The following KCNH7 variants were observed in gnomAD, a reference collection of about 807,000 sequenced individuals.
KCNH7 encodes the protein potassium voltage-gated channel subfamily H member 7, also known as voltage-gated inwardly rectifying potassium channel KCNH7.
In KCNH7, 49 loss-of-function variants were observed where a neutral mutation model predicts 120.8. The ratio of observed to expected loss-of-function variants is 0.41; its 90% CI spans 0.32 to 0.51. The LOEUF (loss-of-function observed/expected upper bound fraction) is 0.51, where lower values mean the gene tolerates loss of function less well. KCNH7 is among the 20% of genes least tolerant of loss of function. The pLI, the probability that KCNH7 is intolerant of heterozygous loss-of-function variation, is 0.38. For synonymous variants in KCNH7, 547 were observed against 516.1 expected, an observed-to-expected ratio of 1.06 and a Z score of -0.81; for missense variants, 1,097 against 1,446.6, an observed-to-expected ratio of 0.76 and a Z score of 3.92.
chr2:162,619,641 C>G (rs1173662176), intron 2 of KCNH7, among the ~76,000 whole-genome samples: 5 of 151,774 alleles, frequency 3.3e-5, no homozygotes, highest in African/African-American at 9.7e-5. Flanking sequence ...TATAAATAAG[C>G]CAATATATAT....
chr2:162,716,998 A>C (rs796753501), intron 2 of KCNH7, among the ~76,000 whole-genome samples: 19 of 152,272 alleles, frequency 1.2e-4, no homozygotes, highest in African/African-American at 4.1e-4. Flanking sequence ...CTTGGGTAGA[A>C]AGAGTGTTGC....
At position 162,780,396 on chromosome 2, in the gene KCNH7, A is replaced by AT. The variant is rs567435042; in HGVS notation, c.307+56140dup. On this transcript the variant is annotated intron_variant, in intron 2 of 15. Transcript: ENST00000332142. ...ATTCTCTACTGAAGCATTTGTAGGG[A>AT]TTTTTTCCTAATCATTTACTACCAC... Among the ~76,000 whole-genome samples the AT allele has an allele frequency of 1.1e-4, 17 of 152,086 alleles. No homozygotes were observed. The East Asian group carries it at 2.9e-3, about 26-fold the overall frequency.
chr2:162,500,760 A>G (rs1690660414), intron 6 of KCNH7, among the ~76,000 whole-genome samples: 1 of 152,122 alleles, frequency 6.6e-6, no homozygotes, highest in Non-Finnish European at 1.5e-5. Context: ...GGATTAAGGA[A>G]ATACTGCTGG....
At chr2:162,669,086 G>A (rs564124740) in intron 2 of KCNH7, among the ~76,000 whole-genome samples, 2 of 152,240 alleles carry the variant, frequency 1.3e-5, no homozygotes, top group South Asian at 4.1e-4. Context: ...GATAGAGTGA[G>A]AAGTTATATG....
intron 9 of KCNH7, among the ~76,000 whole-genome samples, chr2:162,407,409 G>A (rs1398772246): frequency 6.6e-6 from 1 of 151,990 alleles, no homozygotes; most frequent in Admixed American, 6.6e-5. Flanking sequence ...ACTGCTTTCA[G>A]AAGGAAACTT....
intron 6 of KCNH7, among the ~76,000 whole-genome samples, chr2:162,456,500 G>A (rs1051628248): frequency 3.9e-5 from 6 of 152,206 alleles, no homozygotes; most frequent in African/African-American, 1.4e-4. Context: ...GGGGTGGAGA[G>A]TTCTGTAGAC....
At chr2:162,648,830 A>G (rs1230075132) in intron 2 of KCNH7, among the ~76,000 whole-genome samples, 5 of 152,046 alleles carry the variant, frequency 3.3e-5, no homozygotes. Context: ...ACCTTCTTTA[A>G]GAGCTTACCT....
chr2:162,643,804 CAA>C lies in KCNH7; in HGVS notation c.308-106726_308-106725del, dbSNP rs781089376. Among the ~76,000 whole-genome samples, 467 of 90,328 alleles carry C rather than the reference CAA, an allele frequency of 5.2e-3. 2 individuals carry two copies. Among genetic ancestry groups the C allele is most frequent in the African/African-American group, 0.021 (439 of 21,036 alleles). The allele number at this position is 90,328 out of a possible 152,430, so 59.3% of individuals were successfully genotyped here. ...CTGGTGACAGAGCAAGACTCTATCT[CAA>C]AAAAAAAAAAAAAAAAAAAAAAGAA... On this transcript the variant is annotated intron_variant, in intron 2 of 15. Transcript: ENST00000332142.
In KCNH7 at chr2:162,380,036, A is replaced by T. The variant is rs777679584; in HGVS notation, c.2963-15T>A. The T allele has an allele frequency of 1.2e-6, 2 of 1,613,294 alleles. No individual in the cohort carries two copies. The highest frequency in any genetic ancestry group is 2.7e-5 in the African/African-American group (2 of 74,888). ...GTCAGTGATATCTGTGGAAAATAGC[A>T]AGATGGATGTCAACACTCTTAGGTG... On this transcript the variant is annotated splice_polypyrimidine_tract_variant and intron_variant, in intron 13 of 15. Coordinates refer to ENST00000332142, the MANE Select transcript of KCNH7 (RefSeq NM_033272.4).
intron 2 of KCNH7, among the ~76,000 whole-genome samples, chr2:162,813,783 A>G (rs1052949520): frequency 5.3e-5 from 8 of 152,198 alleles, no homozygotes; most frequent in African/African-American, 1.2e-4. Context: ...AGTGAATTGT[A>G]CTGTCAGTTA....
At chr2:162,787,010 AATG>A in intron 2 of KCNH7, among the ~76,000 whole-genome samples, 1 of 152,310 alleles carries the variant, frequency 6.6e-6, no homozygotes, top group Non-Finnish European at 1.5e-5. Flanking sequence ...CAACATGGAG[AATG>A]ATACCTTTAG....
At chr2:162,589,997 C>T (rs1048056471) in intron 2 of KCNH7, among the ~76,000 whole-genome samples, 2 of 152,044 alleles carry the variant, frequency 1.3e-5, no homozygotes, top group Admixed American at 6.5e-5. Flanking sequence ...GAAAACCATG[C>T]ATGGTATATG....
chr2:162,657,786 AT>A (rs1684815902), intron 2 of KCNH7, among the ~76,000 whole-genome samples: 1 of 152,094 alleles, frequency 6.6e-6, no homozygotes, highest in Non-Finnish European at 1.5e-5. Flanking sequence ...TTCCATTCTC[AT>A]TTAGGTTTAC....
chr2:162,680,692 G>T (rs1364176775), intron 2 of KCNH7, among the ~76,000 whole-genome samples: 1 of 151,734 alleles, frequency 6.6e-6, no homozygotes, highest in East Asian at 1.9e-4. Flanking sequence ...TCTGGAGTCA[G>T]GGTCTTGGGT....
At chr2:162,702,130 C>A (rs1000905264) in intron 2 of KCNH7, among the ~76,000 whole-genome samples, 2 of 151,976 alleles carry the variant, frequency 1.3e-5, no homozygotes, top group Admixed American at 1.3e-4. Context: ...TCAAAATATT[C>A]GGTCCTTTTA....
At chr2:162,553,755 T>C (rs1489222311) in intron 2 of KCNH7, among the ~76,000 whole-genome samples, 10 of 152,210 alleles carry the variant, frequency 6.6e-5, no homozygotes, top group Non-Finnish European at 1.2e-4. Context: ...TGGTTAATTG[T>C]CTCAAAAGAT....
intron 2 of KCNH7, among the ~76,000 whole-genome samples, chr2:162,701,756 C>A (rs960595961): frequency 1.8e-4 from 28 of 152,172 alleles, no homozygotes; most frequent in African/African-American, 6.8e-4. Context: ...CGCCTGTCAT[C>A]CCAGCACTTC....
intron 9 of KCNH7, among the ~76,000 whole-genome samples, chr2:162,418,375 T>A (rs1687600520): frequency 6.6e-6 from 1 of 152,130 alleles, no homozygotes; most frequent in South Asian, 2.1e-4. Context: ...TGGACTGTAT[T>A]TATCAACTTC....
At chr2:162,782,255 T>A (rs1683524821) in intron 2 of KCNH7, among the ~76,000 whole-genome samples, 2 of 152,090 alleles carry the variant, frequency 1.3e-5, no homozygotes, top group African/African-American at 4.8e-5. Flanking sequence ...AATACATATG[T>A]AATATATTGT....
Sources: allele counts gnomAD v4.1 joint callset (sites outside exome capture counted in the v4.1 genomes callset), GRCh38; gene constraint gnomAD v4.1.1; transcripts MANE v1.5; gene names NCBI Gene and HGNC (gene_info 2026-07-23, HGNC 2026-07-21).